The following TRIM34 variants were observed in gnomAD, a reference collection of about 807,000 sequenced individuals.
The protein encoded by TRIM34 is E3 ubiquitin-protein ligase TRIM34.
In TRIM34, 41 loss-of-function variants were observed where a neutral mutation model predicts 38.1. The ratio of observed to expected loss-of-function variants is 1.08; its 90% confidence interval spans 0.84 to 1.40. TRIM34 has a LOEUF of 1.40. Ranked by LOEUF, TRIM34 falls within the 40% of genes most tolerant of loss-of-function variation. TRIM34 has a pLI of 0.00. For synonymous variants in TRIM34, 200 were observed against 202.5 expected (o/e 0.99, Z 0.10); for missense variants, 556 against 571.4 (o/e 0.97, Z 0.27).
At chr11:5,639,706 AAG>A (rs1849913939) in intron 4 of TRIM34, among the ~76,000 whole-genome samples, 4 of 144,254 alleles carry the variant, frequency 2.8e-5, no homozygotes, top group African/African-American at 1.1e-4. Context: ...AAAAAAAAAA[AAG>A]ATTGGAAGAG....
Position 5,632,656 on chromosome 11 carries a change from A to C in TRIM34, c.325A>C (p.Lys109Gln). The C allele has an allele frequency of 6.2e-7, 1 of 1,612,890 alleles. No homozygotes were observed. Among genetic ancestry groups the C allele is most frequent in the Non-Finnish European group, 8.5e-7 (1 of 1,179,838 alleles). ...HHGEKLLLFC[K>Q]EDRKVICWLC... ...TGGAGAGAAACTCCTACTCTTCTGTAAGGAGGATAGGAAAGTCATTTGCTG... is the reference window on the plus strand; with the variant it reads ...TGGAGAGAAACTCCTACTCTTCTGTCAGGAGGATAGGAAAGTCATTTGCTG... The change falls in exon 2 of 8, where the codon AAG becomes CAG. Residue 109 changes from lysine to glutamine, a missense_variant. Coordinates refer to ENST00000429814, the MANE Select transcript of TRIM34 (RefSeq NM_021616.6).
In TRIM34 at chr11:5,644,262, T is replaced by C. The variant is rs1850142273; in HGVS notation, c.*553T>C. The C allele has an allele frequency of 1.0e-5, 4 of 398,710 alleles. No homozygotes were observed. Among genetic ancestry groups the C allele is most frequent in the Non-Finnish European group, 1.8e-5 (4 of 226,250 alleles). 24.7% of individuals were successfully genotyped at this position (398,710 alleles called of 1,614,324 possible). ...ATGATGAATACTTTCTCAGTTTCTT[T>C]TTCCTGAAATATAAATTGGGATTTA... On this transcript the variant is annotated 3_prime_UTR_variant, in exon 8 of 8. Coordinates refer to ENST00000429814, the MANE Select transcript of TRIM34 (RefSeq NM_021616.6).
In TRIM34 at chr11:5,633,913, C is replaced by A; in HGVS notation, c.519+14C>A. ...ACTTCCTGGAAGGCAAGAGGAGATT[C>A]TGAAGGTTTTCTGAGACAGGAATCT... On this transcript the variant is annotated intron_variant, in intron 3 of 7. Coordinates refer to ENST00000429814, the MANE Select transcript of TRIM34 (RefSeq NM_021616.6). 1 of 1,613,146 alleles carries A rather than the reference C, an allele frequency of 6.2e-7. No individual in the cohort carries two copies. Among genetic ancestry groups the A allele is most frequent in the South Asian group, 1.1e-5 (1 of 90,988 alleles).
At chr11:5,642,173 C>A (rs1470433049) in intron 5 of TRIM34, among the ~76,000 whole-genome samples, 3 of 152,106 alleles carry the variant, frequency 2.0e-5, no homozygotes, top group Admixed American at 2.0e-4. Flanking sequence ...AAGGAAGAAA[C>A]TGTGCTTTCA....
At chr11:5,632,784 A>G (rs1371826166) in intron 2 of TRIM34, 30 bp downstream of exon 2, 3 of 1,529,830 alleles carry the variant, frequency 2.0e-6, no homozygotes, top group Non-Finnish European at 2.6e-6. Context: ...GAGATGGGGC[A>G]GAAGATGGTA....
chr11:5,636,073 A>T (rs1849722467), intron 4 of TRIM34, among the ~76,000 whole-genome samples: 1 of 152,216 alleles, frequency 6.6e-6, no homozygotes. Context: ...ATTTGTGCAT[A>T]AACTTATATA....
chr11:5,629,451 G>A (rs1849384962), intron 1 of TRIM34, among the ~76,000 whole-genome samples: 1 of 152,168 alleles, frequency 6.6e-6, no homozygotes, highest in Admixed American at 6.5e-5. Flanking sequence ...GTATCAAAAT[G>A]TTACTGCCTA....
chr11:5,638,062 T>C (rs1324068688), intron 4 of TRIM34, among the ~76,000 whole-genome samples: 1 of 152,246 alleles, frequency 6.6e-6, no homozygotes, highest in African/African-American at 2.4e-5. Context: ...GAGTTAATTA[T>C]ATGTAAATCA....
chr11:5,640,395 G>A (rs1302911428), intron 4 of TRIM34, among the ~76,000 whole-genome samples: 3 of 151,782 alleles, frequency 2.0e-5, no homozygotes, highest in Non-Finnish European at 2.9e-5. Context: ...AGATCATCAT[G>A]TGGTTTTCAT....
chr11:5,641,165 A>C lies in TRIM34; in HGVS notation c.751-2A>C, dbSNP rs1167551630. The C allele has an allele frequency of 6.8e-6, 11 of 1,613,128 alleles. No homozygotes were observed. Among genetic ancestry groups the C allele is most frequent in the Non-Finnish European group, 8.5e-6 (10 of 1,179,668 alleles). ...GACTCATGTTTTCTCTTTTCTTTCT[A>C]GGACATGAGTGGAATCATGAAATGG... is the stretch of plus-strand genomic sequence containing the variant. On this transcript the variant is annotated splice_acceptor_variant, in intron 4 of 7. Coordinates refer to ENST00000429814, the MANE Select transcript of TRIM34 (RefSeq NM_021616.6). LOFTEE classifies it high-confidence loss of function.
rs1014234560 is a variant in TRIM34, at chr11:5,633,686, T to C, written c.424-118T>C. On this transcript the variant is annotated intron_variant, in intron 2 of 7. Transcript: ENST00000429814. Reference sequence around the variant, plus strand: ...CATGTCATAGATTCTAATCACCAGCTTCACAGTTTCTGTAAATTGCTTTTT... The same window carrying C: ...CATGTCATAGATTCTAATCACCAGCCTCACAGTTTCTGTAAATTGCTTTTT... The C allele has an allele frequency of 4.1e-6, 4 of 968,862 alleles. No individual in the cohort carries two copies. The African/African-American group carries it at 6.6e-5, about 16-fold the overall frequency. 60.0% of individuals were successfully genotyped at this position (968,862 alleles called of 1,614,324 possible).
upstream of TRIM34, among the ~76,000 whole-genome samples, chr11:5,622,313 C>A (rs1849016486): frequency 6.6e-6 from 1 of 152,018 alleles, no homozygotes; most frequent in African/African-American, 2.4e-5. Context: ...GGCGTTGTGG[C>A]AGGTGCCTGT....
In TRIM34 at chr11:5,632,865, C is replaced by T. The variant is rs547488996; in HGVS notation, c.423+111C>T. Reference sequence around the variant, plus strand: ...TTTTTGAGACAGAGTCTCACTCTGTCGCCCAGGCTGGAGTGCAGTGGCGTG... The same window carrying T: ...TTTTTGAGACAGAGTCTCACTCTGTTGCCCAGGCTGGAGTGCAGTGGCGTG... On this transcript the variant is annotated intron_variant, in intron 2 of 7. Coordinates refer to ENST00000429814, the MANE Select transcript of TRIM34 (RefSeq NM_021616.6). The T allele has an allele frequency of 4.5e-4, 608 of 1,356,870 alleles. 8 individuals are homozygous for T. In the East Asian group the frequency reaches 8.5e-3, roughly 19 times the overall value. 84.1% of individuals were successfully genotyped at this position (1,356,870 alleles called of 1,614,324 possible). A position where few individuals can be genotyped will look rare whatever the true frequency, so the allele number is the denominator to read the frequency against.
rs547192701 is a variant in TRIM34, at chr11:5,626,320, T to C, written c.-78+1260T>C. 3.3e-5 allele frequency among the ~76,000 whole-genome samples: 5 copies of C among 152,338 alleles called. No homozygotes were observed. In the South Asian group the frequency reaches 1.0e-3, roughly 32 times the overall value. On this transcript the variant is annotated intron_variant, in intron 1 of 7. Transcript: ENST00000429814. ...AGTGATCATAGACCATATCGATGAA[T>C]GTTAGAGTACACAAGAAGATGACTA...
In TRIM34 at chr11:5,630,304, CAT is replaced by C. The variant is rs1479122517; in HGVS notation, c.-77-1950_-77-1949del. ...CTAATGATAACCTTTTTTTCCCCCA[CAT>C]GTCTAGTCTGACTTCCAATCTTATT... On this transcript the variant is annotated intron_variant, in intron 1 of 7. Coordinates refer to ENST00000429814, the MANE Select transcript of TRIM34 (RefSeq NM_021616.6). Among the ~76,000 whole-genome samples, 12 of 152,264 alleles carry C rather than the reference CAT, an allele frequency of 7.9e-5. 1 individual carries two copies. In the South Asian group the frequency reaches 8.3e-4, roughly 11 times the overall value.
At chr11:5,626,844 T>C (rs956118206) in intron 1 of TRIM34, 1 of 149,920 alleles carries the variant, frequency 6.7e-6, no homozygotes, top group East Asian at 2.0e-4. Flanking sequence ...ATCTCGCCAT[T>C]GTACTCCAGC....
intron 1 of TRIM34, among the ~76,000 whole-genome samples, chr11:5,630,855 A>G (rs1260714005): frequency 6.6e-6 from 1 of 152,212 alleles, no homozygotes; most frequent in Admixed American, 6.5e-5. Context: ...CCATCTGTTC[A>G]TTACTCAACT....
intron 1 of TRIM34, among the ~76,000 whole-genome samples, chr11:5,625,948 CTTG>C (rs2133906751): frequency 6.6e-6 from 1 of 152,356 alleles, no homozygotes; most frequent in Admixed American, 6.5e-5. Flanking sequence ...ATTTAATCTT[CTTG>C]TTAAGAATTT....
chr11:5,640,475 T>A (rs912452570), intron 4 of TRIM34, among the ~76,000 whole-genome samples: 4 of 151,466 alleles, frequency 2.6e-5, no homozygotes, highest in African/African-American at 7.4e-5. Context: ...CTTGCATTTC[T>A]GGGATAAATT....
Sources: gnomAD v4.1 joint callset for allele counts (sites outside exome capture counted in the v4.1 genomes callset) on GRCh38, gnomAD v4.1.1 for gene constraint, MANE v1.5 for transcripts, NCBI Gene and HGNC (gene_info 2026-07-23, HGNC 2026-07-21) for gene names.